The following RORA variants were observed in gnomAD, a reference collection of about 807,000 sequenced individuals.
RORA encodes the protein RAR related orphan receptor A, also known as nuclear receptor ROR-alpha.
RORA carries 7 observed loss-of-function variants against 69.5 expected under a neutral mutation model. The ratio of observed to expected loss-of-function variants is 0.10; its 90% CI spans 0.06 to 0.19. The LOEUF (loss-of-function observed/expected upper bound fraction) is 0.19, where lower values mean the gene tolerates loss of function less well. RORA is among the 10% of genes least tolerant of loss of function. RORA has a pLI of 1.00. For missense variants in RORA, 457 were observed against 663.0 expected, an observed-to-expected ratio of 0.69 and a Z score of 3.41; for synonymous variants, 261 against 240.8, an observed-to-expected ratio of 1.08 and a Z score of -0.78.
At chr15:60,828,613 T>C (rs2072997729) in intron 1 of RORA, among the ~76,000 whole-genome samples, 1 of 152,208 alleles carries the variant, frequency 6.6e-6, no homozygotes, top group South Asian at 2.1e-4. Context: ...ATGGGGCCTC[T>C]GTGACCCTCA....
At chr15:60,733,487 TG>T (rs1174271326) in intron 1 of RORA, among the ~76,000 whole-genome samples, 1 of 152,226 alleles carries the variant, frequency 6.6e-6, no homozygotes, top group Non-Finnish European at 1.5e-5. Context: ...TAACACACTT[TG>T]ACGTGAGATC....
chr15:61,219,288 C>G (rs1053233448), intron 1 of RORA, among the ~76,000 whole-genome samples: 2 of 152,208 alleles, frequency 1.3e-5, no homozygotes, highest in African/African-American at 2.4e-5. Context: ...TTAATAGCCT[C>G]ATTAGGCTGG....
At chr15:61,048,807 G>A (rs1176327805) in intron 1 of RORA, among the ~76,000 whole-genome samples, 1 of 152,128 alleles carries the variant, frequency 6.6e-6, no homozygotes, top group East Asian at 1.9e-4. Flanking sequence ...GGCTCTTCAA[G>A]TGCCGGCCAT....
At chr15:60,773,025 C>T (rs1228114417) in intron 1 of RORA, among the ~76,000 whole-genome samples, 1 of 152,174 alleles carries the variant, frequency 6.6e-6, no homozygotes, top group Non-Finnish European at 1.5e-5. Context: ...GTTGCAAGTT[C>T]CATTTAGCTT....
chr15:60,914,429 T>G (rs1891812516), intron 1 of RORA, among the ~76,000 whole-genome samples: 2 of 152,218 alleles, frequency 1.3e-5, no homozygotes, highest in South Asian at 4.1e-4. Flanking sequence ...CAGTCAGATC[T>G]ATAGCCATGA....
intron 1 of RORA, among the ~76,000 whole-genome samples, chr15:60,763,096 T>TA (rs1555451509): frequency 0.045 from 4,892 of 109,102 alleles, 345 homozygotes; most frequent in Middle Eastern, 0.098. Flanking sequence ...TTTTTTTTTT[T>TA]AACCAACCTA....
intron 1 of RORA, among the ~76,000 whole-genome samples, chr15:61,091,017 C>A (rs970413738): frequency 6.6e-6 from 1 of 152,200 alleles, no homozygotes; most frequent in African/African-American, 2.4e-5. Flanking sequence ...AGCAGATTTA[C>A]AAGGTAACAT....
chr15:61,054,214 T>TAC (rs2078057513), intron 1 of RORA, among the ~76,000 whole-genome samples: 3 of 151,912 alleles, frequency 2.0e-5, no homozygotes, highest in African/African-American at 7.3e-5. Context: ...TGCTTTTACA[T>TAC]GTATGTAGTT....
intron 2 of RORA, among the ~76,000 whole-genome samples, chr15:60,626,483 G>A (rs999512604): frequency 5.3e-5 from 8 of 152,110 alleles, no homozygotes; most frequent in East Asian, 1.9e-4. Context: ...GAGTAGCCGC[G>A]TTCTCATGGA....
chr15:61,205,308 G>C (rs751223730), intron 1 of RORA, among the ~76,000 whole-genome samples: 90 of 152,182 alleles, frequency 5.9e-4, no homozygotes, highest in Non-Finnish European at 2.6e-4. Context: ...GCTGGCGAGG[G>C]TGGGGGGCAA....
chr15:61,049,545 G>A (rs1446340616), intron 1 of RORA, among the ~76,000 whole-genome samples: 1 of 152,218 alleles, frequency 6.6e-6, no homozygotes, highest in Non-Finnish European at 1.5e-5. Flanking sequence ...GTAGCATGAG[G>A]AGTACCAGTC....
intron 1 of RORA, among the ~76,000 whole-genome samples, chr15:61,070,606 T>C (rs995781345): frequency 5.3e-5 from 8 of 152,250 alleles, no homozygotes; most frequent in African/African-American, 1.9e-4. Flanking sequence ...ATTGAATGTC[T>C]ATTCTATCTC....
chr15:60,561,082 G>GTT (rs571970599), intron 2 of RORA, among the ~76,000 whole-genome samples: 20,212 of 121,580 alleles, frequency 0.17, 2,099 homozygotes, highest in African/African-American at 0.34. Flanking sequence ...TTTTGTTTTT[G>GTT]TTTTTTTTTT....
At chr15:60,818,304 T>A (rs2072844811) in intron 1 of RORA, among the ~76,000 whole-genome samples, 1 of 152,204 alleles carries the variant, frequency 6.6e-6, no homozygotes, top group South Asian at 2.1e-4. Context: ...ATCCTTAAAT[T>A]TTATTTTTCA....
At chr15:61,102,772 C>T (rs906728288) in intron 1 of RORA, among the ~76,000 whole-genome samples, 1 of 152,166 alleles carries the variant, frequency 6.6e-6, no homozygotes, top group East Asian at 1.9e-4. Context: ...ATACAACATT[C>T]TAATCTAGCT....
At chr15:60,677,032 G>T in intron 2 of RORA, 1 of 366,104 alleles carries the variant, frequency 2.7e-6, no homozygotes, top group Non-Finnish European at 5.6e-6. Context: ...GTAGCTTTCT[G>T]TACATTGCCA....
intron 1 of RORA, among the ~76,000 whole-genome samples, chr15:60,843,335 AG>A (rs2073224740): frequency 6.6e-6 from 1 of 152,216 alleles, no homozygotes; most frequent in African/African-American, 2.4e-5. Flanking sequence ...AAGGCCTCTT[AG>A]TAGCCATAAA....
chr15:60,544,479 T>TTTG (rs371819710), intron 2 of RORA, among the ~76,000 whole-genome samples: 3,923 of 152,216 alleles, frequency 0.026, 172 homozygotes, highest in African/African-American at 0.091. Context: ...CCTGCTTTTT[T>TTTG]TTGTTGTTGT....
At chr15:60,739,703 A>G (rs1010275606) in intron 1 of RORA, among the ~76,000 whole-genome samples, 7 of 151,866 alleles carry the variant, frequency 4.6e-5, no homozygotes, top group African/African-American at 1.7e-4. Context: ...TGCCTCGGGG[A>G]CCTCCCAGTC....
Sources: allele counts gnomAD v4.1 joint callset (sites outside exome capture counted in the v4.1 genomes callset), GRCh38; gene constraint gnomAD v4.1.1; transcripts MANE v1.5; gene names NCBI Gene and HGNC (gene_info 2026-07-23, HGNC 2026-07-21).